The following HORMAD1 variants were observed in gnomAD, a reference collection of about 807,000 sequenced individuals.
The protein encoded by HORMAD1 is HORMA domain-containing protein 1.
In HORMAD1, 33 loss-of-function variants were observed where a neutral mutation model predicts 58.2. The observed-to-expected ratio is 0.57, with a 90% CI of 0.43 to 0.76. The LOEUF (loss-of-function observed/expected upper bound fraction) is 0.76, where lower values mean the gene tolerates loss of function less well. Ranked by LOEUF, HORMAD1 falls within the 30% of genes least tolerant of loss-of-function variation. HORMAD1 has a pLI of 0.00. For missense variants in HORMAD1, 363 were observed against 462.0 expected (o/e 0.79, Z 1.96); for synonymous variants, 137 against 144.6 (o/e 0.95, Z 0.38).
intron 12 of HORMAD1, among the ~76,000 whole-genome samples, chr1:150,703,878 A>G (rs1317997771): frequency 1.3e-5 from 2 of 152,216 alleles, no homozygotes; most frequent in Admixed American, 1.3e-4. Flanking sequence ...GATTCTATCT[A>G]GCTCTGAAAT....
At chr1:150,716,378 T>C (rs139136180) in intron 3 of HORMAD1, among the ~76,000 whole-genome samples, 2,494 of 151,556 alleles carry the variant, frequency 0.016, 80 homozygotes, top group African/African-American at 0.057. Context: ...GCCAGGATGG[T>C]CTCCATCTCT....
chr1:150,706,872 T>C, intron 9 of HORMAD1, 63 bp from the exon 10 acceptor site: 1 of 1,359,742 alleles, frequency 7.4e-7, no homozygotes, highest in Non-Finnish European at 9.9e-7. Context: ...ATTATTATTA[T>C]AAAAACACAC....
intron 3 of HORMAD1, among the ~76,000 whole-genome samples, chr1:150,715,510 A>G (rs1369405922): frequency 6.6e-6 from 1 of 152,222 alleles, no homozygotes; most frequent in African/African-American, 2.4e-5. Context: ...TGCCCAGCAC[A>G]TAACTGGTGT....
chr1:150,719,375 C>G, intron 2 of HORMAD1, 98 bp downstream of exon 2: 2 of 739,980 alleles, frequency 2.7e-6, no homozygotes, highest in Non-Finnish European at 4.6e-6. Context: ...ATAAAACCCT[C>G]AAATAGTTGA....
At chr1:150,720,677 T>C (rs1215738811) in intron 1 of HORMAD1, 127 bp downstream of exon 1, 2 of 152,204 alleles carry the variant, frequency 1.3e-5, no homozygotes, top group African/African-American at 4.8e-5. Flanking sequence ...GTATACATTT[T>C]TACCGCAAAT....
intron 3 of HORMAD1, among the ~76,000 whole-genome samples, chr1:150,716,640 T>C (rs966527979): frequency 6.6e-6 from 1 of 151,730 alleles, no homozygotes; most frequent in African/African-American, 2.4e-5. Flanking sequence ...ACTGTGGTGA[T>C]GGTTGTACAA....
rs761786504 is a variant in HORMAD1 at position 150,703,384 on chromosome 1, A to C, written c.958T>G (p.Leu320Val). Residue 320 changes from leucine (L) to valine (V), a missense_variant, in exon 13 of 15, where the codon TTA becomes GTA. Transcript: ENST00000361824. ...TCAAGTTCAGATGTTTTATTGACTA[A>C]CTGCTCAACCTAAAAAAGAAAATAA... is the stretch of plus-strand genomic sequence containing the variant. ...LSISHSQVEQ[L>V]VNKTSELDMS... The C allele has an allele frequency of 6.4e-6, 10 of 1,551,618 alleles. No homozygotes were observed. The highest frequency in any genetic ancestry group is 8.8e-6 in the Non-Finnish European group (10 of 1,134,524).
At chr1:150,700,950 G>C (rs1006005908) in intron 13 of HORMAD1, among the ~76,000 whole-genome samples, 2 of 152,092 alleles carry the variant, frequency 1.3e-5, no homozygotes, top group Admixed American at 1.3e-4. Context: ...AATGACTAAT[G>C]ATTAGGTGTC....
rs1404079917 is a variant in HORMAD1 at position 150,704,301 on chromosome 1, T to G, written c.847A>C (p.Asn283His). The change falls in exon 11 of 15, where the codon AAC becomes CAC. Residue 283 changes from asparagine (N) to histidine (H), a missense_variant. By Grantham distance (68) the Asn-to-His change is moderately conservative (BLOSUM62 1). Around this residue, in one of 3 missense-constraint regions of HORMAD1, gnomAD observed 226 missense variants for 257.8 expected, o/e 0.88. Transcript: ENST00000361824. ...IETKMEEQEK[N>H]PASSELEEPS... is the part of the protein sequence containing the mutation. ...CCTTCAAGTTCAGAAGATGCAGGGT[T>G]TTTTTCCTGTTCTTCCATTTTAGTT... 3 of 1,592,798 alleles carry G rather than the reference T, an allele frequency of 1.9e-6. No homozygotes were observed. The highest frequency in any genetic ancestry group is 1.2e-5 in the South Asian group (1 of 86,628).
chr1:150,711,097 T>G (rs183087107), intron 7 of HORMAD1, among the ~76,000 whole-genome samples: 7 of 152,346 alleles, frequency 4.6e-5, no homozygotes, highest in Non-Finnish European at 7.3e-5. Context: ...TTGTTTCTTA[T>G]CTTCTGGTTT....
chr1:150,715,180 C>T (rs1196749754), intron 3 of HORMAD1, among the ~76,000 whole-genome samples: 4 of 151,938 alleles, frequency 2.6e-5, no homozygotes, highest in East Asian at 3.9e-4. Context: ...TTATAAGATG[C>T]CATCATAATA....
At chr1:150,699,011 C>T in intron 14 of HORMAD1, 1 of 242,812 alleles carries the variant, frequency 4.1e-6, no homozygotes, top group Non-Finnish European at 7.9e-6. Flanking sequence ...CTCAAAATAG[C>T]CAAATATTTC....
Position 150,703,410 on chromosome 1 carries a change from T to A in HORMAD1, c.949-17A>T, listed in dbSNP as rs1422401040. On this transcript the variant is annotated splice_polypyrimidine_tract_variant and intron_variant, in intron 12 of 14. Transcript: ENST00000361824. The stretch of plus-strand genomic sequence containing the variant: ...CTGCTCAACCTAAAAAAGAAAATAA[T>A]TACAAAAAATATAACTTAGTATAAT... The A allele has an allele frequency of 7.4e-7, 1 of 1,354,604 alleles. No individual in the cohort carries two copies. Among genetic ancestry groups the A allele is most frequent in the African/African-American group, 1.5e-5 (1 of 67,852 alleles). The allele number at this position is 1,354,604 out of a possible 1,614,324, so 83.9% of individuals were successfully genotyped here.
chr1:150,711,824 A>C lies in HORMAD1; in HGVS notation c.300+9T>G, dbSNP rs187707793. 2.3e-4 allele frequency: 359 copies of C among 1,575,142 alleles called. 1 individual carries two copies. The African/African-American group carries it at 4.4e-3, about 19-fold the overall frequency. On this transcript the variant is annotated intron_variant, in intron 6 of 14. Coordinates refer to ENST00000361824, the MANE Select transcript of HORMAD1 (RefSeq NM_032132.5). ...TTAAAAAAAGAACACACAATTTAAA[A>C]ATACTTACAGCTAGAACAACCATCC...
intron 3 of HORMAD1, among the ~76,000 whole-genome samples, chr1:150,716,824 G>A (rs991992842): frequency 6.6e-6 from 1 of 151,628 alleles, no homozygotes; most frequent in Non-Finnish European, 1.5e-5. Context: ...TTAGCCGGGC[G>A]TGGTGGCGGG....
intron 11 of HORMAD1, 21 bp downstream of exon 11, chr1:150,704,256 A>G (rs779237791): frequency 6.3e-7 from 1 of 1,583,198 alleles, no homozygotes; most frequent in South Asian, 1.2e-5. Flanking sequence ...GAGTTAATGT[A>G]CATTTTCATT....
At chr1:150,708,743 G>T in intron 8 of HORMAD1, 151 bp downstream of exon 8, 1 of 541,850 alleles carries the variant, frequency 1.8e-6, no homozygotes, top group South Asian at 3.0e-5. Flanking sequence ...TGAAGCTACT[G>T]CAAGCCACCA....
intron 7 of HORMAD1, among the ~76,000 whole-genome samples, chr1:150,711,258 A>ACT (rs1651894042): frequency 6.6e-6 from 1 of 152,206 alleles, no homozygotes; most frequent in Non-Finnish European, 1.5e-5. Context: ...TATAAAAAAT[A>ACT]CTATAAAGAA....
intron 5 of HORMAD1, among the ~76,000 whole-genome samples, chr1:150,713,205 C>T (rs996504577): frequency 1.3e-5 from 2 of 152,196 alleles, no homozygotes; most frequent in Non-Finnish European, 2.9e-5. Context: ...TTACCACATA[C>T]TTTTGCTAAA....
Sources: allele counts gnomAD v4.1 joint callset (sites outside exome capture counted in the v4.1 genomes callset), GRCh38; gene constraint gnomAD v4.1.1; regional missense constraint gnomAD v4.1.1; transcripts MANE v1.5; gene names NCBI Gene and HGNC (gene_info 2026-07-23, HGNC 2026-07-21).